EOLA2: variants seen among roughly 807,000 people sequenced by gnomAD.
EOLA2 encodes endothelium and lymphocyte associated ASCH domain 2, also known as protein EOLA2.
Under a neutral mutation model 4.1 loss-of-function variants are expected in EOLA2, and 3 were observed. That is an observed-to-expected ratio of 0.73 (90% CI 0.33 to 1.89). The LOEUF is 1.89. EOLA2 is among the 40% of genes most tolerant of loss of function. The pLI is 0.08. For synonymous variants in EOLA2, 52 were observed against 51.7 expected, an observed-to-expected ratio of 1.01 and a Z score of -0.03; for missense variants, 109 against 126.4, an observed-to-expected ratio of 0.86 and a Z score of 0.66.
chrX:149,934,973 C>A (rs782562764), intron 2 of EOLA2, among the ~76,000 whole-genome samples: 1 of 112,378 alleles, frequency 8.9e-6, no homozygotes, highest in Non-Finnish European at 1.9e-5. Context: ...CAGCCCAGTA[C>A]GTGGCACCTA....
chrX:149,930,323 T>C (rs1382869318), downstream of EOLA2, among the ~76,000 whole-genome samples: 1 of 111,789 alleles, frequency 8.9e-6, no homozygotes, highest in Non-Finnish European at 1.9e-5. Context: ...GCAACCCCCT[T>C]AGAGATAATG....
chrX:149,935,236 TCTC>T (rs1162617930), intron 2 of EOLA2, among the ~76,000 whole-genome samples: 1 of 78,324 alleles, frequency 1.3e-5, no homozygotes, highest in Non-Finnish European at 2.4e-5. Context: ...GAGCTCCAGA[TCTC>T]CTGCTTTTCT....
At chrX:149,931,292 T>C (rs782280838), downstream of EOLA2, 11 of 382,399 alleles carry the variant, frequency 2.9e-5, no homozygotes, top group East Asian at 5.3e-4. Context: ...TGAGAACTGT[T>C]GTCTGTGTTT....
At position 149,934,044 on chromosome X, in the gene EOLA2, C is replaced by A. The variant is rs189855652; in HGVS notation, c.-69G>T. On this transcript the variant is annotated 5_prime_UTR_variant, in exon 3 of 5. Transcript: ENST00000370406. ...GCTTCCGTCTGTCACTGATGTCGAG[C>A]ACCACAGCAGGCCCAAGGGAAGGGG... 9.1e-7 allele frequency: 1 copy of A among 1,093,407 alleles called. No individual in the cohort carries two copies. Among genetic ancestry groups the A allele is most frequent in the African/African-American group, 2.0e-5 (1 of 50,223 alleles). 90.1% of individuals were successfully genotyped at this position (1,093,407 alleles called of 1,213,427 possible).
At position 149,934,131 on chromosome X, in the gene EOLA2, G is replaced by C; in HGVS notation, c.-156C>G. Reference sequence around the variant, plus strand: ...CTTTGGGGCGGTCCGGAGTAGGGCGGGGACAGCTAGAGGAAGGCACAGGCA... The same window carrying C: ...CTTTGGGGCGGTCCGGAGTAGGGCGCGGACAGCTAGAGGAAGGCACAGGCA... On this transcript the variant is annotated 5_prime_UTR_variant, in exon 3 of 5. Coordinates refer to ENST00000370406, the MANE Select transcript of EOLA2 (RefSeq NM_001013845.2). The C allele has an allele frequency of 9.5e-7, 1 of 1,050,062 alleles. No individual in the cohort carries two copies. The highest frequency in any genetic ancestry group is 1.2e-6 in the Non-Finnish European group (1 of 820,052). The allele number at this position is 1,050,062 out of a possible 1,213,427, so 86.5% of individuals were successfully genotyped here. A position where few individuals can be genotyped will look rare whatever the true frequency, so the allele number is the denominator to read the frequency against.
chrX:149,932,453 A>C lies in EOLA2; in HGVS notation c.*91T>G. On this transcript the variant is annotated 3_prime_UTR_variant, in exon 5 of 5. Coordinates refer to ENST00000370406, the MANE Select transcript of EOLA2 (RefSeq NM_001013845.2). ...AGCAGTGGAAATTCATCTTTAACCT[A>C]ATTTATACAGGTCTGCGTCACGATG... 1 of 1,183,076 alleles carries C rather than the reference A, an allele frequency of 8.5e-7. No homozygotes were observed. Among genetic ancestry groups the C allele is most frequent in the Non-Finnish European group, 1.1e-6 (1 of 880,228 alleles).
intron 4 of EOLA2, among the ~76,000 whole-genome samples, chrX:149,933,169 G>A (rs1347136486): frequency 2.1e-5 from 2 of 96,826 alleles, no homozygotes; most frequent in Non-Finnish European, 4.1e-5. Flanking sequence ...TAGAGGTTAG[G>A]GGACTTTCCC....
At chrX:149,930,359 A>G (rs1455021416), downstream of EOLA2, among the ~76,000 whole-genome samples, 2 of 112,007 alleles carry the variant, frequency 1.8e-5, no homozygotes, top group Non-Finnish European at 3.8e-5. Context: ...GCAGACCTGC[A>G]TATTACCTCT....
rs1277309831 is a variant in EOLA2, at chrX:149,937,472, T to C, written c.-202A>G. On this transcript the variant is annotated 5_prime_UTR_variant, in exon 2 of 5. Coordinates refer to ENST00000370406, the MANE Select transcript of EOLA2 (RefSeq NM_001013845.2). ...GAGGAGGAAACACTCTTCCACTTGG[T>C]TTCTTTACCTGCACAACAAGGAAGA... is the stretch of plus-strand genomic sequence containing the variant. 1 of 681,209 alleles carries C rather than the reference T, an allele frequency of 1.5e-6. No individual in the cohort carries two copies. Among genetic ancestry groups the C allele is most frequent in the Non-Finnish European group, 1.7e-6 (1 of 572,320 alleles). The allele number at this position is 681,209 out of a possible 1,213,427, so 56.1% of individuals were successfully genotyped here.
At chrX:149,930,848 A>C (rs2090865176), downstream of EOLA2, 1 of 819,553 alleles carries the variant, frequency 1.2e-6, no homozygotes, top group African/African-American at 2.5e-5. Flanking sequence ...CATGTGGTCC[A>C]AGAAGAGTGC....
chrX:149,935,715 A>T (rs2090979675), intron 2 of EOLA2, among the ~76,000 whole-genome samples: 2 of 104,077 alleles, frequency 1.9e-5, no homozygotes, highest in Admixed American at 2.0e-4. Flanking sequence ...ACCCCCCTTC[A>T]GACTCAGCCT....
At chrX:149,934,799 G>A (rs1412363845) in intron 2 of EOLA2, among the ~76,000 whole-genome samples, 5 of 112,423 alleles carry the variant, frequency 4.4e-5, no homozygotes, top group Non-Finnish European at 9.4e-5. Context: ...AGCCTCCTGC[G>A]TGTGTGGCTT....
Position 149,938,229 on chromosome X carries a change from TGA to T in EOLA2, c.-249_-248del, listed in dbSNP as rs1456687136. 4 of 112,985 alleles carry T rather than the reference TGA, an allele frequency of 3.5e-5. No individual in the cohort carries two copies. The East Asian group carries it at 1.1e-3, about 32-fold the overall frequency. The allele number at this position is 112,985 out of a possible 1,213,427, so 9.3% of individuals were successfully genotyped here. On this transcript the variant is annotated 5_prime_UTR_variant, in exon 1 of 5. Transcript: ENST00000370406. The stretch of plus-strand genomic sequence containing the variant: ...GGCCGGTCTCACGGCCTCTGGACCC[TGA>T]GAGTCGTGGGCGTTCAGGGCCGACT...
rs781979977 is a variant in EOLA2 at position 149,933,352 on chromosome X, T to G, written c.253+270A>C. Among the ~76,000 whole-genome samples the G allele has an allele frequency of 4.0e-4, 44 of 108,669 alleles. 1 individual carries two copies. The highest frequency in any genetic ancestry group is 6.9e-4 in the Non-Finnish European group (36 of 52,352). The allele number at this position is 108,669 out of a possible 115,157, so 94.4% of individuals were successfully genotyped here. A position where few individuals can be genotyped will look rare whatever the true frequency, so the allele number is the denominator to read the frequency against. On this transcript the variant is annotated intron_variant, in intron 4 of 4. Transcript: ENST00000370406. ...ACACAGCCAAACACCACAAACACCA[T>G]GTGCACATGGCCCTGACCAGGCTTC...
At position 149,932,717 on chromosome X, in the gene EOLA2, C is replaced by CGGGA; in HGVS notation, c.300_303dup (p.Asp102SerfsTer3). On this transcript the variant is annotated frameshift_variant, in exon 5 of 5. Coordinates refer to ENST00000370406, the MANE Select transcript of EOLA2 (RefSeq NM_001013845.2). LOFTEE classifies it low-confidence loss of function (END_TRUNC). ...TGATTTTCTAGTTCCACAACCTCAT[C>CGGGA]GGGAGTTAAGTCTTCGGGGCATTGC... 8.3e-7 allele frequency: 1 copy of CGGGA among 1,207,383 alleles called. No homozygotes were observed. Among genetic ancestry groups the CGGGA allele is most frequent in the African/African-American group, 1.8e-5 (1 of 55,827 alleles).
At chrX:149,931,212 T>C, downstream of EOLA2, 5 of 827,431 alleles carry the variant, frequency 6.0e-6, no homozygotes, top group Non-Finnish European at 7.6e-6. Flanking sequence ...CATTTTCTAA[T>C]GAGAAACACA....
downstream of EOLA2, among the ~76,000 whole-genome samples, chrX:149,931,456 G>A (rs781896332): frequency 7.4e-5 from 8 of 107,680 alleles, no homozygotes; most frequent in Non-Finnish European, 1.3e-4. Context: ...AGGAAGTGTC[G>A]AGGCCAAGCC....
rs1280002863 is a variant in EOLA2, at chrX:149,938,432, T to G, written c.-450A>C. The G allele has an allele frequency of 8.9e-6, 1 of 112,555 alleles. No homozygotes were observed. Among genetic ancestry groups the G allele is most frequent in the Non-Finnish European group, 1.9e-5 (1 of 53,202 alleles). The allele number at this position is 112,555 out of a possible 1,213,427, so 9.3% of individuals were successfully genotyped here. The stretch of plus-strand genomic sequence containing the variant: ...GGTGGCCAGTGACAGATGCTAGCGG[T>G]CCATAACTTCGGCTTTCATGCAGCT... On this transcript the variant is annotated 5_prime_UTR_variant, in exon 1 of 5. Transcript: ENST00000370406.
chrX:149,935,348 C>G (rs781789050), intron 2 of EOLA2, among the ~76,000 whole-genome samples: 2 of 70,836 alleles, frequency 2.8e-5, no homozygotes, highest in Admixed American at 1.7e-4. Flanking sequence ...CCACCAGCCA[C>G]CATCTATGCT....
Sources: gnomAD v4.1 joint callset for allele counts (sites outside exome capture counted in the v4.1 genomes callset) on GRCh38, gnomAD v4.1.1 for gene constraint, MANE v1.5 for transcripts, NCBI Gene and HGNC (gene_info 2026-07-23, HGNC 2026-07-21) for gene names.